The following CDHR2 variants were observed in gnomAD, a reference collection of about 807,000 sequenced individuals.
CDHR2 encodes cadherin related family member 2.
A neutral mutation model predicts 138.6 loss-of-function variants in CDHR2; 104 were observed. The observed-to-expected ratio is 0.75, with a 90% CI of 0.64 to 0.88. The LOEUF (loss-of-function observed/expected upper bound fraction) is 0.88. Among genes scored for constraint, CDHR2 ranks in the 40% least tolerant of loss-of-function variants. CDHR2 has a pLI of 0.00. For missense variants in CDHR2, 1,624 were observed against 1,727.6 expected, an observed-to-expected ratio of 0.94 and a Z score of 1.06; for synonymous variants, 755 against 742.8, an observed-to-expected ratio of 1.02 and a Z score of -0.27.
chr5:176,591,653 A>T (rs1758851765), intron 30 of CDHR2, 169 bp downstream of exon 30: 3 of 622,174 alleles, frequency 4.8e-6, no homozygotes, highest in Non-Finnish European at 8.8e-6. Context: ...GGTGATGGTG[A>T]TGGTAGCAAT....
intron 5 of CDHR2, among the ~76,000 whole-genome samples, chr5:176,570,752 G>A (rs569140426): frequency 2.0e-4 from 30 of 152,158 alleles, no homozygotes; most frequent in Non-Finnish European, 3.2e-4. Context: ...GGGAGTTCAA[G>A]AGCAGCCTGA....
At chr5:176,577,974 C>T (rs1561875589) in intron 14 of CDHR2, 60 bp from the exon 15 acceptor site, 1 of 1,541,102 alleles carries the variant, frequency 6.5e-7, no homozygotes, top group Non-Finnish European at 8.9e-7. Flanking sequence ...CCACGAGCTG[C>T]ATGGGTGGCG....
chr5:176,574,142 T>C lies in CDHR2; in HGVS notation c.465T>C (p.Ser155=). The C allele has an allele frequency of 1.9e-6, 3 of 1,614,004 alleles. No homozygotes were observed. Among genetic ancestry groups the C allele is most frequent in the Non-Finnish European group, 2.5e-6 (3 of 1,179,914 alleles). ...TGGCCGTGGATAAAGACATGGGGTC[T>C]GCAGGCATGGTCGTGTACTCCATAG... ...SVLAVDKDMG[S]AGMVVYSIEK... The change falls in exon 7 of 32, where the codon TCT becomes TCC. Residue 155 remains serine, a synonymous_variant. Coordinates refer to ENST00000261944, the MANE Select transcript of CDHR2 (RefSeq NM_017675.6).
intron 3 of CDHR2, among the ~76,000 whole-genome samples, chr5:176,566,546 C>T (rs1464129286): frequency 1.3e-5 from 2 of 152,052 alleles, no homozygotes; most frequent in African/African-American, 2.4e-5. Context: ...CCCAGGAGCC[C>T]GGACGGAGCT....
In CDHR2 at chr5:176,575,830, G is replaced by A; in HGVS notation, c.951G>A (p.Leu317=). ...TGGAGGCGGATGAGGAGGTGCAGCTGCAGGTCACGGTGAGCAAAGGCCCCA... is the reference window on the plus strand; with the variant it reads ...TGGAGGCGGATGAGGAGGTGCAGCTACAGGTCACGGTGAGCAAAGGCCCCA... The part of the protein sequence containing the change: ...QLLEADEEVQ[L]QVTATETHLN... Residue 317 remains leucine, a synonymous_variant, in exon 11 of 32, where the codon CTG becomes CTA. Coordinates refer to ENST00000261944, the MANE Select transcript of CDHR2 (RefSeq NM_017675.6). 1 of 1,549,422 alleles carries A rather than the reference G, an allele frequency of 6.5e-7. No individual in the cohort carries two copies.
chr5:176,560,031 C>T (rs1757929988), intron 1 of CDHR2, among the ~76,000 whole-genome samples: 1 of 152,158 alleles, frequency 6.6e-6, no homozygotes, highest in African/African-American at 2.4e-5. Flanking sequence ...GGGAATTAGC[C>T]AGCCCTAGGA....
chr5:176,575,243 C>G (rs776774282), intron 8 of CDHR2, 34 bp downstream of exon 8: 31 of 1,614,110 alleles, frequency 1.9e-5, no homozygotes, highest in Non-Finnish European at 2.5e-5. Flanking sequence ...GGCCTAGGAC[C>G]CACGGCGCTG....
intron 1 of CDHR2, among the ~76,000 whole-genome samples, chr5:176,563,657 C>A (rs190903425): frequency 1.3e-5 from 2 of 152,112 alleles, no homozygotes; most frequent in South Asian, 2.1e-4. Context: ...TAACGCTGGT[C>A]GGTTATTGTG....
chr5:176,568,554 C>A, intron 3 of CDHR2, 124 bp from the exon 4 acceptor site: 1 of 1,059,714 alleles, frequency 9.4e-7, no homozygotes, highest in Non-Finnish European at 1.3e-6. Flanking sequence ...GGGGAGGTCC[C>A]AGATGGCAAG....
At chr5:176,588,805 G>C (rs1043433174) in intron 21 of CDHR2, among the ~76,000 whole-genome samples, 3 of 152,116 alleles carry the variant, frequency 2.0e-5, no homozygotes, top group Admixed American at 1.3e-4. Flanking sequence ...TTAGGGCAGT[G>C]ATCTGTTTGG....
Position 176,558,227 on chromosome 5 carries a change from T to A in CDHR2, c.-15-7111T>A, listed in dbSNP as rs1437825248. ...TTTTCTTTTCTTATTTTTTTTTTTTTTTTTTTGAGACGGAGTCTCACTCTG... is the reference window on the plus strand; with the variant it reads ...TTTTCTTTTCTTATTTTTTTTTTTTATTTTTTGAGACGGAGTCTCACTCTG... On this transcript the variant is annotated intron_variant, in intron 1 of 31. Coordinates refer to ENST00000261944, the MANE Select transcript of CDHR2 (RefSeq NM_017675.6). Among the ~76,000 whole-genome samples the A allele has an allele frequency of 2.7e-5, 4 of 149,540 alleles. 1 individual carries two copies. Among genetic ancestry groups the A allele is most frequent in the Non-Finnish European group, 5.9e-5 (4 of 67,250 alleles).
chr5:176,570,633 C>T (rs186765253), intron 5 of CDHR2, among the ~76,000 whole-genome samples: 1 of 152,348 alleles, frequency 6.6e-6, no homozygotes, highest in East Asian at 1.9e-4. Flanking sequence ...AGCCACTGCG[C>T]CTGGCTGGCT....
chr5:176,588,420 AGTGT>A (rs10577284), intron 21 of CDHR2, among the ~76,000 whole-genome samples: 36 of 147,070 alleles, frequency 2.4e-4, no homozygotes, highest in Non-Finnish European at 3.6e-4. Flanking sequence ...TGAGGGTGTG[AGTGT>A]GTGTGTCAGG....
At chr5:176,580,123 C>T (rs549587751) in intron 16 of CDHR2, among the ~76,000 whole-genome samples, 2 of 151,840 alleles carry the variant, frequency 1.3e-5, no homozygotes, top group South Asian at 2.1e-4. Flanking sequence ...CACACACACT[C>T]ACGCACGCAC....
rs1169348977 is a variant in CDHR2 at position 176,543,345 on chromosome 5, C to T, written c.-16+576C>T. ...CCCAGGCTCGCGGTGCGGCTGCGGC[C>T]CGCGCGCCGCCTGCCGCGGCCCCTC... On this transcript the variant is annotated intron_variant, in intron 1 of 31. Transcript: ENST00000510636. This position sits in a 1 kb window ranked among gnomAD's most constrained non-coding sequence, Gnocchi z 4.0. Among the ~76,000 whole-genome samples the T allele has an allele frequency of 6.7e-6, 1 of 148,268 alleles. No individual in the cohort carries two copies. The highest frequency in any genetic ancestry group is 1.5e-5 in the Non-Finnish European group (1 of 66,458).
chr5:176,571,100 C>T (rs1044328985), intron 5 of CDHR2, 113 bp from the exon 6 acceptor site: 2 of 421,370 alleles, frequency 4.7e-6, no homozygotes, highest in Non-Finnish European at 9.0e-6. Flanking sequence ...GAAAGAGAGA[C>T]CAAACAGTAG....
At chr5:176,560,023 G>A (rs953705456) in intron 1 of CDHR2, among the ~76,000 whole-genome samples, 1 of 152,178 alleles carries the variant, frequency 6.6e-6, no homozygotes, top group African/African-American at 2.4e-5. Flanking sequence ...CTGTCTCTGG[G>A]AATTAGCCAG....
chr5:176,567,734 C>A (rs1758116805), intron 3 of CDHR2, among the ~76,000 whole-genome samples: 2 of 151,744 alleles, frequency 1.3e-5, no homozygotes, highest in Admixed American at 6.6e-5. Flanking sequence ...CTCAAGTGAT[C>A]CGCCCACCTC....
chr5:176,543,586 C>G lies in CDHR2; in HGVS notation c.-16+817C>G, dbSNP rs900546097. The G allele has an allele frequency of 3.9e-5, 6 of 152,336 alleles. No individual in the cohort carries two copies. Among genetic ancestry groups the G allele is most frequent in the African/African-American group, 1.4e-4 (6 of 41,570 alleles). 9.4% of individuals were successfully genotyped at this position (152,336 alleles called of 1,614,324 possible). A position where few individuals can be genotyped will look rare whatever the true frequency, so the allele number is the denominator to read the frequency against. On this transcript the variant is annotated intron_variant, in intron 1 of 31. Coordinates refer to the CDHR2 transcript ENST00000510636. The surrounding 1 kb of genome is among the most constrained non-coding windows in gnomAD (Gnocchi z 4.0). ...GGGCGCGGCGCCTGGGGCCTGGCAGCCTCCGTGACCTTGGAGGAGTGACTT... is the reference window on the plus strand; with the variant it reads ...GGGCGCGGCGCCTGGGGCCTGGCAGGCTCCGTGACCTTGGAGGAGTGACTT...
Sources: allele counts gnomAD v4.1 joint callset (sites outside exome capture counted in the v4.1 genomes callset), GRCh38; gene constraint gnomAD v4.1.1; non-coding constraint Gnocchi (gnomAD v3.1); transcripts MANE v1.5; gene names NCBI Gene and HGNC (gene_info 2026-07-23, HGNC 2026-07-21).